ZNF385B: variants seen among roughly 807,000 people sequenced by gnomAD.
ZNF385B encodes zinc finger protein 385B.
Under a neutral mutation model 39.2 loss-of-function variants are expected in ZNF385B, and 23 were observed. The ratio of observed to expected loss-of-function variants is 0.59; its 90% CI spans 0.42 to 0.83. The LOEUF (loss-of-function observed/expected upper bound fraction) is 0.83, where lower values mean the gene tolerates loss of function less well. Ranked by LOEUF, ZNF385B falls within the 40% of genes least tolerant of loss-of-function variation. The pLI is 0.00. For missense variants in ZNF385B, 552 were observed against 598.9 expected, an observed-to-expected ratio of 0.92 and a Z score of 0.82; for synonymous variants, 205 against 222.6, an observed-to-expected ratio of 0.92 and a Z score of 0.70.
chr2:179,449,180 A>T (rs2049820093), intron 6 of ZNF385B, among the ~76,000 whole-genome samples: 1 of 152,154 alleles, frequency 6.6e-6, no homozygotes, highest in Admixed American at 6.6e-5. Flanking sequence ...CAGTCATTCA[A>T]AGATCTCTAA....
intron 1 of ZNF385B, among the ~76,000 whole-genome samples, chr2:179,784,231 G>A (rs1351121980): frequency 1.3e-5 from 2 of 151,912 alleles, no homozygotes; most frequent in Admixed American, 6.6e-5. Flanking sequence ...AACAGAAAAC[G>A]GAATACTGCA....
rs1160724623 is a variant in ZNF385B at position 179,446,657 on chromosome 2, G to C, written c.829C>G (p.Pro277Ala). 1.9e-6 allele frequency: 3 copies of C among 1,614,078 alleles called. No individual in the cohort carries two copies. The Admixed American group carries it at 5.0e-5, about 27-fold the overall frequency. Residue 277 changes from proline (P) to alanine (A), a missense_variant, in exon 7 of 10, where the codon CCC (proline) becomes GCC (alanine). By Grantham distance (27) the Pro-to-Ala change is conservative. Coordinates refer to ENST00000410066, the MANE Select transcript of ZNF385B (RefSeq NM_152520.6). ...GGAGCTCCATTTGTGCTCTTGGAGG[G>C]AGAAGTGGCTGCTCCAGGTGGCAGG... The part of the protein sequence containing the change: ...TPLPPGAATS[P>A]SKSTNGAPGT...
At chr2:179,721,896 G>A (rs942018541) in intron 3 of ZNF385B, among the ~76,000 whole-genome samples, 1 of 151,800 alleles carries the variant, frequency 6.6e-6, no homozygotes, top group Non-Finnish European at 1.5e-5. Context: ...ACAATACAAG[G>A]TCTAAGAAAT....
At chr2:179,826,726 GA>G (rs1707703624) in intron 1 of ZNF385B, among the ~76,000 whole-genome samples, 2 of 151,896 alleles carry the variant, frequency 1.3e-5, no homozygotes, top group African/African-American at 4.8e-5. Context: ...AACTTGCCTG[GA>G]TTTCTCTCAC....
intron 3 of ZNF385B, among the ~76,000 whole-genome samples, chr2:179,641,105 G>T (rs1692228624): frequency 6.6e-6 from 1 of 151,922 alleles, no homozygotes; most frequent in African/African-American, 2.4e-5. Flanking sequence ...CTTTTTATTT[G>T]TTATATTTTA....
intron 5 of ZNF385B, 140 bp downstream of exon 5, chr2:179,518,388 A>G: frequency 1.6e-6 from 1 of 627,410 alleles, no homozygotes; most frequent in Non-Finnish European, 2.7e-6. Context: ...AATCCTTTGG[A>G]AATCTGGCAT....
intron 3 of ZNF385B, among the ~76,000 whole-genome samples, chr2:179,708,727 T>C (rs947565902): frequency 2.0e-5 from 3 of 152,200 alleles, no homozygotes; most frequent in Non-Finnish European, 4.4e-5. Context: ...AAATGGACAC[T>C]GTAGTACAGC....
chr2:179,652,905 A>G (rs1186706152), intron 3 of ZNF385B, among the ~76,000 whole-genome samples: 1 of 151,294 alleles, frequency 6.6e-6, no homozygotes, highest in Non-Finnish European at 1.5e-5. Context: ...CTGAGTTCTT[A>G]AAGTCTTAGT....
At chr2:179,857,905 C>T (rs970803517) in intron 1 of ZNF385B, among the ~76,000 whole-genome samples, 1 of 151,952 alleles carries the variant, frequency 6.6e-6, no homozygotes, top group African/African-American at 2.4e-5. Context: ...AAAAAAAATG[C>T]AGAGCTACTT....
At chr2:179,800,764 T>A (rs1705979265) in intron 1 of ZNF385B, among the ~76,000 whole-genome samples, 2 of 152,090 alleles carry the variant, frequency 1.3e-5, no homozygotes, top group African/African-American at 4.8e-5. Flanking sequence ...TCACTCAGAT[T>A]TAACAATATA....
intron 3 of ZNF385B, among the ~76,000 whole-genome samples, chr2:179,554,208 C>G (rs2060761840): frequency 6.7e-6 from 1 of 148,856 alleles, no homozygotes; most frequent in African/African-American, 2.5e-5. Context: ...CCCAGGAGAG[C>G]ATGAATAATT....
chr2:179,716,293 G>C (rs963373495), intron 3 of ZNF385B, among the ~76,000 whole-genome samples: 5 of 152,000 alleles, frequency 3.3e-5, no homozygotes, highest in Non-Finnish European at 7.4e-5. Context: ...TAATAGAGTA[G>C]GTCATATTTT....
At chr2:179,669,387 C>A (rs1054773987) in intron 3 of ZNF385B, among the ~76,000 whole-genome samples, 2 of 152,186 alleles carry the variant, frequency 1.3e-5, no homozygotes, top group Non-Finnish European at 2.9e-5. Context: ...CACATAGGCT[C>A]GAACTCCCAA....
At chr2:179,513,953 C>T (rs1357262320) in intron 5 of ZNF385B, 1 of 152,184 alleles carries the variant, frequency 6.6e-6, no homozygotes, top group Non-Finnish European at 1.5e-5. Flanking sequence ...AAGATGAGAA[C>T]CAATTTAAGT....
At chr2:179,500,525 G>T (rs2056659304) in intron 5 of ZNF385B, among the ~76,000 whole-genome samples, 1 of 152,028 alleles carries the variant, frequency 6.6e-6, no homozygotes, top group African/African-American at 2.4e-5. Context: ...AAATGGTGTT[G>T]GGAAAACTCG....
At chr2:179,542,511 A>G (rs898869387) in intron 4 of ZNF385B, among the ~76,000 whole-genome samples, 2 of 152,222 alleles carry the variant, frequency 1.3e-5, no homozygotes, top group Non-Finnish European at 2.9e-5. Flanking sequence ...TTTCTCAAAT[A>G]TATCATAAGA....
At chr2:179,708,822 G>C (rs1424129314) in intron 3 of ZNF385B, among the ~76,000 whole-genome samples, 1 of 152,160 alleles carries the variant, frequency 6.6e-6, no homozygotes, top group Non-Finnish European at 1.5e-5. Context: ...GAATCACAAG[G>C]ATTGTTAAGA....
intron 3 of ZNF385B, among the ~76,000 whole-genome samples, chr2:179,659,733 T>C (rs1694246545): frequency 6.6e-6 from 1 of 152,186 alleles, no homozygotes; most frequent in Non-Finnish European, 1.5e-5. Flanking sequence ...ACGTCCAAAA[T>C]ATTTTAAACA....
intron 5 of ZNF385B, among the ~76,000 whole-genome samples, chr2:179,496,511 A>T (rs2056223206): frequency 6.6e-6 from 1 of 152,202 alleles, no homozygotes; most frequent in Non-Finnish European, 1.5e-5. Context: ...CACCAAGTAG[A>T]TTTAACCCAA....
Sources: gnomAD v4.1 joint callset for allele counts (sites outside exome capture counted in the v4.1 genomes callset) on GRCh38, gnomAD v4.1.1 for gene constraint, MANE v1.5 for transcripts, NCBI Gene and HGNC (gene_info 2026-07-23, HGNC 2026-07-21) for gene names.